Variants in XPA observed in about 807,000 individuals in gnomAD.
The protein encoded by XPA is XPA, DNA damage recognition and repair factor, also known as DNA repair protein complementing XP-A cells.
XPA carries 27 observed loss-of-function variants against 35.7 expected under a neutral mutation model. That is an observed-to-expected ratio of 0.76 (90% CI 0.56 to 1.04). The LOEUF is 1.04. XPA is among the 50% of genes least tolerant of loss of function. The pLI is 0.00. For missense variants in XPA, 354 were observed against 342.7 expected, an observed-to-expected ratio of 1.03 and a Z score of -0.26; for synonymous variants, 133 against 118.4, an observed-to-expected ratio of 1.12 and a Z score of -0.80.
At chr9:97,689,416 C>A in intron 3 of XPA, 118 bp downstream of exon 3, 2 of 723,370 alleles carry the variant, frequency 2.8e-6, no homozygotes, top group South Asian at 1.7e-5. Context: ...TTTTAGGAAA[C>A]ACCCAAAATG....
At chr9:97,658,562 A>C in the XPA span, 5 of 1,089,296 alleles carry the variant, frequency 4.6e-6, no homozygotes, top group Non-Finnish European at 7.0e-6. Flanking sequence ...GGAGATCATG[A>C]CTTTCCAGGT....
chr9:97,665,981 T>A, the XPA span, among the ~76,000 whole-genome samples: 1 of 152,152 alleles, frequency 6.6e-6, no homozygotes, highest in Non-Finnish European at 1.5e-5. Flanking sequence ...TATCTTCACA[T>A]TGAGTAGGCT....
At chr9:97,658,636 G>A in the XPA span, 19 of 1,597,166 alleles carry the variant, frequency 1.2e-5, no homozygotes, top group African/African-American at 2.7e-5. Flanking sequence ...TATTTGTATT[G>A]TAGGTTGTCT....
In XPA at chr9:97,685,028, A is replaced by C. The variant is rs555812588; in HGVS notation, c.568T>G (p.Ser190Ala). 705 of 1,613,186 alleles carry C rather than the reference A, an allele frequency of 4.4e-4. 9 individuals carry two copies. The South Asian group carries it at 7.3e-3, about 17-fold the overall frequency. Reference protein sequence around the residue: ...LYLKLQIVKRSLEVWGSQEAL... With the variant: ...LYLKLQIVKRALEVWGSQEAL... ...TCTTGACTACCCCAAACTTCAAGAG[A>C]CCTCTTCACAATCTACAACACAAAA... Residue 190 changes from serine to alanine, a missense_variant, in exon 5 of 6, where the codon TCT (serine) becomes GCT (alanine). Coordinates refer to ENST00000375128, the MANE Select transcript of XPA (RefSeq NM_000380.4).
At chr9:97,688,955 GAGTAAAC>G (rs1291033753) in intron 3 of XPA, among the ~76,000 whole-genome samples, 1 of 152,170 alleles carries the variant, frequency 6.6e-6, no homozygotes, top group African/African-American at 2.4e-5. Context: ...GCATTTGGCT[GAGTAAAC>G]AGTAGTGATA....
At position 97,680,211 on chromosome 9, in the gene XPA, T is replaced by G. The variant is rs536587684; in HGVS notation, c.674-4624A>C. Among the ~76,000 whole-genome samples the G allele has an allele frequency of 7.0e-4, 107 of 152,284 alleles. 1 individual carries two copies. Among genetic ancestry groups the G allele is most frequent in the African/African-American group, 2.5e-3 (104 of 41,560 alleles). ...CTTTAGCTATGTAGAAGAACACCATTGTTTTTTGTTTTTTGAGACAGGGTT... is the reference window on the plus strand; with the variant it reads ...CTTTAGCTATGTAGAAGAACACCATGGTTTTTTGTTTTTTGAGACAGGGTT... On this transcript the variant is annotated intron_variant, in intron 5 of 5. Transcript: ENST00000375128.
In XPA at chr9:97,693,763, C is replaced by G. The variant is rs560767411; in HGVS notation, c.173-4G>C. ...GCTGCTTTTACATTAGCCATGCCTA[C>G]AAAAGTAAGTAAAAGCAGTCAACAA... On this transcript the variant is annotated splice_region_variant and splice_polypyrimidine_tract_variant and intron_variant, in intron 1 of 5. Coordinates refer to ENST00000375128, the MANE Select transcript of XPA (RefSeq NM_000380.4). 2.5e-6 allele frequency: 4 copies of G among 1,612,002 alleles called. No homozygotes were observed. In the East Asian group the frequency reaches 6.7e-5, roughly 27 times the overall value.
chr9:97,685,043 A>G lies in XPA; in HGVS notation c.556-3T>C, dbSNP rs1405789144. On this transcript the variant is annotated splice_polypyrimidine_tract_variant and splice_region_variant and intron_variant, in intron 4 of 5. Transcript: ENST00000375128. ...ACTTCAAGAGACCTCTTCACAATCT[A>G]CAACACAAAATCCATATTTAAATAA... 3.7e-6 allele frequency: 6 copies of G among 1,610,558 alleles called. No individual in the cohort carries two copies. Among genetic ancestry groups the G allele is most frequent in the East Asian group, 4.5e-5 (2 of 44,810 alleles).
At chr9:97,660,496 C>T in the XPA span, among the ~76,000 whole-genome samples, 1 of 152,102 alleles carries the variant, frequency 6.6e-6, no homozygotes, top group African/African-American at 2.4e-5. Context: ...GCAGCCATTA[C>T]CTTGTTGAGA....
At chr9:97,671,421 A>G, downstream of XPA, 1 of 449,968 alleles carries the variant, frequency 2.2e-6, no homozygotes, top group Non-Finnish European at 4.0e-6. Context: ...TATATTATAT[A>G]TGTGACAGAT....
chr9:97,692,998 C>A (rs1357519726), intron 2 of XPA, among the ~76,000 whole-genome samples: 1 of 151,140 alleles, frequency 6.6e-6, no homozygotes. Context: ...CAACCACCTA[C>A]ATTGATGAAT....
chr9:97,663,777 C>T, the XPA span, among the ~76,000 whole-genome samples: 15 of 151,888 alleles, frequency 9.9e-5, no homozygotes, highest in Non-Finnish European at 8.8e-5. Context: ...TGAGCCACCG[C>T]GCCTGGCCAG....
chr9:97,692,811 C>T (rs3176654), intron 2 of XPA, among the ~76,000 whole-genome samples: 2,134 of 152,142 alleles, frequency 0.014, 103 homozygotes, highest in East Asian at 0.13. Context: ...ATAAAGTACA[C>T]AATAAAATGT....
the XPA span, chr9:97,666,899 A>G: frequency 3.4e-6 from 5 of 1,467,106 alleles, no homozygotes; most frequent in African/African-American, 4.3e-5. Flanking sequence ...GTAAACTTGT[A>G]AGTAGTTAAA....
the XPA span, among the ~76,000 whole-genome samples, chr9:97,656,508 G>A: frequency 1.3e-5 from 2 of 151,992 alleles, no homozygotes; most frequent in Non-Finnish European, 2.9e-5. Context: ...CCAAGATGGC[G>A]CCACTGCACT....
intron 5 of XPA, among the ~76,000 whole-genome samples, chr9:97,676,802 AC>A (rs1408447940): frequency 1.3e-5 from 2 of 152,176 alleles, no homozygotes; most frequent in African/African-American, 2.4e-5. Flanking sequence ...AAGTACTTTG[AC>A]ATTATTTTAG....
At position 97,697,278 on chromosome 9, in the gene XPA, G is replaced by A. The variant is rs553043532; in HGVS notation, c.15C>T (p.Asp5=). MAAA[D]GALPEAAALE... ...AAGCCGCCGCCTCCGGCAAAGCCCCGTCGGCCGCCGCCATCTCTGGCCCAC... is the reference window on the plus strand; with the variant it reads ...AAGCCGCCGCCTCCGGCAAAGCCCCATCGGCCGCCGCCATCTCTGGCCCAC... The change falls in exon 1 of 6, where the codon GAC becomes GAT. Residue 5 remains aspartate (D), a synonymous_variant. Coordinates refer to ENST00000375128, the MANE Select transcript of XPA (RefSeq NM_000380.4). 3 of 1,598,438 alleles carry A rather than the reference G, an allele frequency of 1.9e-6. No individual in the cohort carries two copies. The highest frequency in any genetic ancestry group is 1.7e-5 in the Admixed American group (1 of 59,940).
chr9:97,674,800 A>G (rs549946157), downstream of XPA: 206 of 385,102 alleles, frequency 5.3e-4, 1 homozygote, highest in South Asian at 3.2e-3. Flanking sequence ...CAACAATCAG[A>G]TAGTCAACCA....
At position 97,675,582 on chromosome 9, in the gene XPA, G is replaced by T; in HGVS notation, c.679C>A (p.Arg227=). Reference sequence around the variant, plus strand: ...CACACGCTGCTTCTTACTGCTCGCCGCAATTCTGAAAAAAAAATTTTAAAG... The same window carrying T: ...CACACGCTGCTTCTTACTGCTCGCCTCAATTCTGAAAAAAAAATTTTAAAG... ...KKFDKKVKEL[R]RAVRSSVWKR... is the part of the protein sequence containing the mutation. The change falls in exon 6 of 6, where the codon CGG becomes AGG. Residue 227 remains arginine, a synonymous_variant. Coordinates refer to ENST00000375128, the MANE Select transcript of XPA (RefSeq NM_000380.4). The T allele has an allele frequency of 2.5e-6, 4 of 1,613,558 alleles. No homozygotes were observed. The highest frequency in any genetic ancestry group is 3.4e-6 in the Non-Finnish European group (4 of 1,179,860).
Sources: gnomAD v4.1 joint callset for allele counts (sites outside exome capture counted in the v4.1 genomes callset) on GRCh38, gnomAD v4.1.1 for gene constraint, MANE v1.5 for transcripts, NCBI Gene and HGNC (gene_info 2026-07-23, HGNC 2026-07-21) for gene names.